ASAP1: variants seen among roughly 807,000 people sequenced by gnomAD.
ASAP1 encodes ArfGAP with SH3 domain, ankyrin repeat and PH domain 1, also known as arf-GAP with SH3 domain, ANK repeat and PH domain-containing protein 1.
Under a neutral mutation model 145.2 loss-of-function variants are expected in ASAP1, and 43 were observed. The ratio of observed to expected loss-of-function variants is 0.30; its 90% confidence interval spans 0.23 to 0.38. The LOEUF is 0.38. ASAP1 is among the 10% of genes least tolerant of loss of function. The pLI is 1.00. For synonymous variants in ASAP1, 546 were observed against 515.5 expected (o/e 1.06, Z -0.80); for missense variants, 1,018 against 1,355.3 (o/e 0.75, Z 3.91).
At chr8:130,135,288 C>T (rs140353825) in intron 14 of ASAP1, among the ~76,000 whole-genome samples, 5 of 152,016 alleles carry the variant, frequency 3.3e-5, no homozygotes, top group East Asian at 3.9e-4. Context: ...CCTAGGAGTT[C>T]GAGACCAGCT....
At chr8:130,364,601 G>T (rs1336048458) in intron 2 of ASAP1, among the ~76,000 whole-genome samples, 1 of 152,182 alleles carries the variant, frequency 6.6e-6, no homozygotes, top group Admixed American at 6.5e-5. Flanking sequence ...ATATGTGCGT[G>T]TGTTTTCCTT....
chr8:130,155,767 C>A (rs1404546183), intron 12 of ASAP1, among the ~76,000 whole-genome samples: 1 of 152,250 alleles, frequency 6.6e-6, no homozygotes, highest in Non-Finnish European at 1.5e-5. Flanking sequence ...TTCCAGTCTG[C>A]ATAGCTCCTG....
intron 3 of ASAP1, among the ~76,000 whole-genome samples, chr8:130,240,198 A>G (rs1284336397): frequency 1.3e-5 from 2 of 152,096 alleles, no homozygotes; most frequent in Non-Finnish European, 2.9e-5. Context: ...ATGTTTACCA[A>G]CTTGCCTATG....
intron 25 of ASAP1, chr8:130,082,897 T>A (rs2097484433): frequency 6.6e-6 from 1 of 151,930 alleles, no homozygotes. Flanking sequence ...CAATGATGAG[T>A]CTTCAGGGCT....
chr8:130,362,795 T>C (rs1826778756), intron 2 of ASAP1, among the ~76,000 whole-genome samples: 1 of 152,176 alleles, frequency 6.6e-6, no homozygotes, highest in South Asian at 2.1e-4. Context: ...AAATAGTATC[T>C]AGAGTCAAAC....
rs538533876 is a variant in ASAP1 at position 130,438,384 on chromosome 8, C to T, written c.-28+5076G>A. Among the ~76,000 whole-genome samples the T allele has an allele frequency of 2.0e-5, 3 of 152,324 alleles. No homozygotes were observed. The South Asian group carries it at 6.2e-4, about 32-fold the overall frequency. On this transcript the variant is annotated intron_variant, in intron 1 of 29. Transcript: ENST00000518721. ...AATCGAACCACACACTCCCTCCTGA[C>T]CTCTCCTGGGGCCAATGGCCTGCTC...
intron 4 of ASAP1, 72 bp from the exon 5 acceptor site, chr8:130,214,773 G>C (rs1469286): frequency 1.3e-5 from 16 of 1,255,516 alleles, no homozygotes; most frequent in East Asian, 2.4e-5. Context: ...TTTGAACACC[G>C]ATCACTACGA....
intron 3 of ASAP1, among the ~76,000 whole-genome samples, chr8:130,267,093 ACT>A (rs1332814712): frequency 1.5e-5 from 2 of 136,602 alleles, no homozygotes; most frequent in South Asian, 2.9e-4. Context: ...CCAGAGTGAG[ACT>A]CTGTCTCAAA....
intron 2 of ASAP1, among the ~76,000 whole-genome samples, chr8:130,364,423 C>T (rs1826856044): frequency 6.6e-6 from 1 of 152,178 alleles, no homozygotes; most frequent in African/African-American, 2.4e-5. Context: ...GTATTATTCC[C>T]CATGTTATAT....
chr8:130,072,781 C>CTT (rs1171333728), intron 27 of ASAP1, among the ~76,000 whole-genome samples: 1 of 72,186 alleles, frequency 1.4e-5, no homozygotes, highest in Non-Finnish European at 2.6e-5. Context: ...AAGGCCTGGA[C>CTT]TTGCAATTGA....
Position 130,131,449 on chromosome 8 carries a change from C to T in ASAP1, c.1217+2847G>A, listed in dbSNP as rs572301110. Among the ~76,000 whole-genome samples the T allele has an allele frequency of 4.3e-4, 66 of 151,864 alleles. 1 individual carries two copies. Among genetic ancestry groups the T allele is most frequent in the African/African-American group, 1.5e-3 (62 of 41,438 alleles). On this transcript the variant is annotated intron_variant, in intron 15 of 29. Transcript: ENST00000518721. ...CTCCTACAGCACTCAAAACAAAGTT[C>T]CCCTCTCACCACCAGCACCCAGAGA...
chr8:130,434,524 C>A (rs377210674), intron 1 of ASAP1, among the ~76,000 whole-genome samples: 92 of 152,214 alleles, frequency 6.0e-4, no homozygotes, highest in African/African-American at 2.1e-3. Flanking sequence ...CACATATTAA[C>A]GAGCAATACA....
At chr8:130,150,928 A>G (rs1324798190) in intron 13 of ASAP1, among the ~76,000 whole-genome samples, 2 of 152,150 alleles carry the variant, frequency 1.3e-5, no homozygotes, top group Non-Finnish European at 2.9e-5. Flanking sequence ...CTCACCATCT[A>G]TATAGTCAAA....
Position 130,358,489 on chromosome 8 carries a change from G to A in ASAP1, c.60-346C>T, listed in dbSNP as rs1314327418. On this transcript the variant is annotated intron_variant, in intron 2 of 29. Coordinates refer to ENST00000518721, the MANE Select transcript of ASAP1 (RefSeq NM_018482.4). The surrounding 1 kb of genome is among the most constrained non-coding windows in gnomAD (Gnocchi z 4.1). ...GGCTGCGCGCGGGGTCTTCGCGGGG[G>A]TCTGGGCTCCGGCCGGCCGCTGGGG... Among the ~76,000 whole-genome samples, 1 of 148,164 alleles carries A rather than the reference G, an allele frequency of 6.7e-6. No individual in the cohort carries two copies. Among genetic ancestry groups the A allele is most frequent in the African/African-American group, 2.4e-5 (1 of 41,012 alleles).
intron 24 of ASAP1, among the ~76,000 whole-genome samples, chr8:130,105,665 A>G (rs1007690291): frequency 6.6e-6 from 1 of 152,202 alleles, no homozygotes; most frequent in Non-Finnish European, 1.5e-5. Context: ...TTAACCGTAT[A>G]ATTATACAAA....
intron 9 of ASAP1, among the ~76,000 whole-genome samples, chr8:130,170,327 G>C (rs965826501): frequency 6.6e-6 from 1 of 151,924 alleles, no homozygotes; most frequent in African/African-American, 2.4e-5. Flanking sequence ...GCTAATTTTT[G>C]TATTTTCAGT....
At chr8:130,314,895 G>T (rs913025225) in intron 3 of ASAP1, among the ~76,000 whole-genome samples, 17 of 152,278 alleles carry the variant, frequency 1.1e-4, no homozygotes, top group Admixed American at 3.3e-4. Flanking sequence ...TGCTTACTCT[G>T]AACTTCTGAA....
intron 3 of ASAP1, among the ~76,000 whole-genome samples, chr8:130,310,008 C>T (rs555511065): frequency 6.6e-6 from 1 of 152,112 alleles, no homozygotes; most frequent in South Asian, 2.1e-4. Flanking sequence ...CGTAATATCC[C>T]AATCGTCCAG....
At chr8:130,163,307 G>A (rs927884760) in intron 11 of ASAP1, among the ~76,000 whole-genome samples, 5 of 152,068 alleles carry the variant, frequency 3.3e-5, no homozygotes, top group African/African-American at 1.2e-4. Flanking sequence ...TTATAAAAAC[G>A]ATTATATTCT....
Sources: gnomAD v4.1 joint callset for allele counts (sites outside exome capture counted in the v4.1 genomes callset) on GRCh38, gnomAD v4.1.1 for gene constraint, Gnocchi (gnomAD v3.1) non-coding constraint, MANE v1.5 for transcripts, NCBI Gene and HGNC (gene_info 2026-07-23, HGNC 2026-07-21) for gene names.